RXRA: variants seen among roughly 807,000 people sequenced by gnomAD.
RXRA encodes the protein retinoid X receptor alpha, also known as retinoic acid receptor RXR-alpha.
RXRA carries 5 observed loss-of-function variants against 44.5 expected under a neutral mutation model. The ratio of observed to expected loss-of-function variants is 0.11; its 90% CI spans 0.06 to 0.24. The LOEUF is 0.24. Ranked by LOEUF, RXRA falls within the 10% of genes least tolerant of loss-of-function variation. RXRA has a pLI of 1.00. For synonymous variants in RXRA, 291 were observed against 271.4 expected, an observed-to-expected ratio of 1.07 and a Z score of -0.71; for missense variants, 412 against 646.5, an observed-to-expected ratio of 0.64 and a Z score of 3.93.
chr9:134,373,700 C>A (rs939426935), intron 1 of RXRA, among the ~76,000 whole-genome samples: 1 of 152,326 alleles, frequency 6.6e-6, no homozygotes, highest in South Asian at 2.1e-4. Flanking sequence ...AGTGGCACCT[C>A]CCACAGGAAG....
At chr9:134,347,572 C>T (rs954635324) in intron 1 of RXRA, among the ~76,000 whole-genome samples, 1 of 152,190 alleles carries the variant, frequency 6.6e-6, no homozygotes, top group Non-Finnish European at 1.5e-5. Flanking sequence ...GGAGGACGGC[C>T]AGGGGCCTGC....
chr9:134,423,537 A>G (rs1451804402), intron 6 of RXRA: 1 of 985,138 alleles, frequency 1.0e-6, no homozygotes, highest in Non-Finnish European at 1.2e-6. Context: ...CGCCGTCGCC[A>G]CCCTCCTGGA....
chr9:134,339,693 CTG>C (rs1403892963), intron 1 of RXRA, among the ~76,000 whole-genome samples: 4 of 105,880 alleles, frequency 3.8e-5, no homozygotes, highest in Non-Finnish European at 6.0e-5. Context: ...GTGTGTGTCT[CTG>C]TGTGTGTGCC....
At chr9:134,412,707 G>C (rs936314915) in intron 4 of RXRA, among the ~76,000 whole-genome samples, 13 of 152,208 alleles carry the variant, frequency 8.5e-5, no homozygotes, top group African/African-American at 2.9e-4. Context: ...AAGCCGGGGA[G>C]GGGGCAGGGG....
rs530439539 is a variant in RXRA, at chr9:134,351,230, C to T, written c.28+24571C>T. Reference sequence around the variant, plus strand: ...GTGGCAGGTCTGGGGCTAGGAGGCCCGGCGGGAAATCACAGGAGGCCTTGG... The same window carrying T: ...GTGGCAGGTCTGGGGCTAGGAGGCCTGGCGGGAAATCACAGGAGGCCTTGG... On this transcript the variant is annotated intron_variant, in intron 1 of 9. Transcript: ENST00000481739. 6.6e-5 allele frequency among the ~76,000 whole-genome samples: 10 copies of T among 152,350 alleles called. No homozygotes were observed. In the East Asian group the frequency reaches 1.5e-3, roughly 24 times the overall value.
At chr9:134,408,374 A>G (rs544406512) in intron 3 of RXRA, 75 bp downstream of exon 3, 27 of 1,454,536 alleles carry the variant, frequency 1.9e-5, no homozygotes, top group Non-Finnish European at 2.3e-5. Flanking sequence ...GGCCTCCCCA[A>G]ATCACCCTCC....
In RXRA at chr9:134,418,120, T is replaced by C. The variant is rs533391530; in HGVS notation, c.780+793T>C. The stretch of plus-strand genomic sequence containing the variant: ...GGGGCGTTCTGAGCCCCTCCTACCC[T>C]ACCCTAAGGCCTAGGAACCTGTGCT... On this transcript the variant is annotated intron_variant, in intron 5 of 9. Coordinates refer to ENST00000481739, the MANE Select transcript of RXRA (RefSeq NM_002957.6). 7.9e-4 allele frequency among the ~76,000 whole-genome samples: 121 copies of C among 152,222 alleles called. 1 individual carries two copies. The highest frequency in any genetic ancestry group is 2.8e-3 in the African/African-American group (117 of 41,558).
intron 1 of RXRA, among the ~76,000 whole-genome samples, chr9:134,392,844 G>A (rs1245192939): frequency 3.9e-5 from 6 of 152,192 alleles, no homozygotes; most frequent in South Asian, 2.1e-4. Context: ...TGTGCCAGTC[G>A]TGGGAGTGGA....
chr9:134,394,086 T>C (rs1424953320), intron 1 of RXRA, among the ~76,000 whole-genome samples: 2 of 127,870 alleles, frequency 1.6e-5, no homozygotes, highest in Admixed American at 7.6e-5. Flanking sequence ...AAGGGGTTGC[T>C]CAGCTGGTAG....
chr9:134,421,906 C>A (rs767857302), intron 6 of RXRA, 101 bp downstream of exon 6: 2 of 1,537,396 alleles, frequency 1.3e-6, no homozygotes. Context: ...CGGGACACTC[C>A]CCTGTCCTGG....
Position 134,425,932 on chromosome 9 carries a change from C to T in RXRA, c.911-3176C>T, listed in dbSNP as rs543143968. On this transcript the variant is annotated intron_variant, in intron 6 of 9. Coordinates refer to ENST00000481739, the MANE Select transcript of RXRA (RefSeq NM_002957.6). ...TGGTGGCTCAGAGGTGAGACAGGAA[C>T]GTGGCTGAGCCAGGTTGGAGCCCGA... The T allele has an allele frequency of 7.1e-6, 7 of 985,406 alleles. No homozygotes were observed. The Admixed American group carries it at 1.8e-4, about 26-fold the overall frequency. 61.0% of individuals were successfully genotyped at this position (985,406 alleles called of 1,614,324 possible).
At chr9:134,397,711 G>A (rs1191991931) in intron 1 of RXRA, among the ~76,000 whole-genome samples, 2 of 152,218 alleles carry the variant, frequency 1.3e-5, no homozygotes, top group African/African-American at 2.4e-5. Context: ...AAGTGGGCAC[G>A]GTGGGTGTAA....
At chr9:134,336,863 C>T (rs1257962751) in intron 1 of RXRA, among the ~76,000 whole-genome samples, 1 of 152,230 alleles carries the variant, frequency 6.6e-6, no homozygotes, top group Non-Finnish European at 1.5e-5. Flanking sequence ...GAATCCCCCT[C>T]GTTCTGGAGG....
Position 134,366,883 on chromosome 9 carries a change from C to T in RXRA, c.29-34749C>T, listed in dbSNP as rs186771607. On this transcript the variant is annotated intron_variant, in intron 1 of 9. Coordinates refer to ENST00000481739, the MANE Select transcript of RXRA (RefSeq NM_002957.6). This position sits in a 1 kb window ranked among gnomAD's most constrained non-coding sequence, Gnocchi z 5.9. ...TCCCAGTCGGAACGTGGTGGAAAGG[C>T]GCCAGGCAGGCTGAGTCGGAGATGT... Among the ~76,000 whole-genome samples the T allele has an allele frequency of 1.4e-3, 214 of 152,242 alleles. 1 individual carries two copies. Among genetic ancestry groups the T allele is most frequent in the Non-Finnish European group, 2.7e-3 (182 of 68,006 alleles).
At chr9:134,422,905 C>T (rs1350041796) in intron 6 of RXRA, 2 of 985,302 alleles carry the variant, frequency 2.0e-6, no homozygotes, top group Non-Finnish European at 2.4e-6. Flanking sequence ...CTGCCCTTCT[C>T]CTCCCACTCC....
intron 1 of RXRA, among the ~76,000 whole-genome samples, chr9:134,378,294 G>T (rs1374315901): frequency 6.6e-6 from 1 of 152,250 alleles, no homozygotes; most frequent in East Asian, 1.9e-4. Context: ...GCGCTGGGGA[G>T]CCAGGCCGGT....
intron 6 of RXRA, chr9:134,425,236 G>A (rs967715494): frequency 3.0e-6 from 3 of 985,238 alleles, no homozygotes; most frequent in African/African-American, 1.7e-5. Context: ...CTGCTCCTGT[G>A]GGGTAGGGCC....
At chr9:134,332,769 A>G (rs1485816121) in intron 1 of RXRA, among the ~76,000 whole-genome samples, 3 of 152,148 alleles carry the variant, frequency 2.0e-5, no homozygotes, top group Non-Finnish European at 4.4e-5. Flanking sequence ...GTCTGGAGGC[A>G]GCCAGGCAAG....
chr9:134,401,728 G>T lies in RXRA; in HGVS notation c.125G>T (p.Gly42Val). The T allele has an allele frequency of 1.2e-6, 2 of 1,613,112 alleles. No individual in the cohort carries two copies. The highest frequency in any genetic ancestry group is 1.7e-6 in the Non-Finnish European group (2 of 1,179,982). The change falls in exon 2 of 10, where the codon GGC becomes GTC. Residue 42 changes from glycine to valine, a missense_variant. Transcript: ENST00000481739. ...SLHPSLGPGI[G>V]SPGQLHSPIS... ...CACCCGTCCCTGGGGCCTGGCATCG[G>T]CTCCCCGGGACAGCTGCATTCTCCC...
Sources: gnomAD v4.1 joint callset for allele counts (sites outside exome capture counted in the v4.1 genomes callset) on GRCh38, gnomAD v4.1.1 for gene constraint, Gnocchi (gnomAD v3.1) non-coding constraint, MANE v1.5 for transcripts, NCBI Gene and HGNC (gene_info 2026-07-23, HGNC 2026-07-21) for gene names.